The following TBCK variants were observed in gnomAD, a reference collection of about 807,000 sequenced individuals.
TBCK encodes TBC domain-containing protein kinase-like protein.
TBCK carries 99 observed loss-of-function variants against 113.4 expected under a neutral mutation model. The observed-to-expected ratio is 0.87, with a 90% CI of 0.74 to 1.03. TBCK has a LOEUF of 1.03. Ranked by LOEUF, TBCK falls within the 50% of genes least tolerant of loss-of-function variation. The probability of loss-of-function intolerance (pLI) is 0.00; values close to 1 mark genes in which losing one functional copy is unlikely to be tolerated. For missense variants in TBCK, 1,045 were observed against 1,061.3 expected (o/e 0.98, Z 0.21); for synonymous variants, 369 against 370.8 (o/e 1.00, Z 0.05).
Position 106,138,364 on chromosome 4 carries a change from C to T in TBCK, c.2236-21986G>A, listed in dbSNP as rs990579631. Among the ~76,000 whole-genome samples, 14 of 140,926 alleles carry T rather than the reference C, an allele frequency of 9.9e-5. 2 individuals carry two copies. The highest frequency in any genetic ancestry group is 3.5e-4 in the African/African-American group (14 of 39,944). 92.5% of individuals were successfully genotyped at this position (140,926 alleles called of 152,430 possible). The stretch of plus-strand genomic sequence containing the variant: ...ATTCAACTGGCAAAAGGTCCCAAAA[C>T]TCTTGCTTACTTTCTGAGACAAAAG... On this transcript the variant is annotated intron_variant, in intron 23 of 25. Coordinates refer to ENST00000394708, the MANE Select transcript of TBCK (RefSeq NM_001163435.3).
chr4:106,123,627 A>G (rs1332830993), intron 23 of TBCK, among the ~76,000 whole-genome samples: 4 of 152,188 alleles, frequency 2.6e-5, no homozygotes, highest in South Asian at 2.1e-4. Flanking sequence ...AAACTATACT[A>G]CAAGGCTACA....
intron 3 of TBCK, among the ~76,000 whole-genome samples, chr4:106,267,380 T>C (rs538598920): frequency 7.9e-5 from 12 of 152,072 alleles, no homozygotes; most frequent in African/African-American, 2.6e-4. Flanking sequence ...TGTTTGTTAC[T>C]GAATTTTTGG....
At chr4:106,056,579 ATTC>A (rs1185973177) in intron 25 of TBCK, among the ~76,000 whole-genome samples, 1 of 138,366 alleles carries the variant, frequency 7.2e-6, no homozygotes, top group Non-Finnish European at 1.6e-5. Flanking sequence ...TTTTTTTTTC[ATTC>A]TTCTTCTACT....
chr4:106,304,085 T>C (rs1767243983), intron 2 of TBCK, among the ~76,000 whole-genome samples: 1 of 152,210 alleles, frequency 6.6e-6, no homozygotes. Context: ...CTCTGCTCAG[T>C]ATAAATTTCT....
rs1738937018 is a variant in TBCK, at chr4:106,082,087, C to T, written c.2571+13395G>A. Among the ~76,000 whole-genome samples, 5 of 152,176 alleles carry T rather than the reference C, an allele frequency of 3.3e-5. No individual in the cohort carries two copies. The South Asian group carries it at 1.0e-3, about 32-fold the overall frequency. On this transcript the variant is annotated intron_variant, in intron 25 of 25. Coordinates refer to ENST00000394708, the MANE Select transcript of TBCK (RefSeq NM_001163435.3). ...TAAAACTACCATTTGACCTAGCAAT[C>T]CTACTATATGATATATACCCAAAGG...
chr4:106,242,152 T>G (rs1226226939), intron 12 of TBCK, among the ~76,000 whole-genome samples: 2 of 152,038 alleles, frequency 1.3e-5, no homozygotes, highest in Non-Finnish European at 2.9e-5. Flanking sequence ...AAAATTAGTA[T>G]TACAGCAAAA....
chr4:106,110,754 G>A (rs950648729), intron 24 of TBCK, among the ~76,000 whole-genome samples: 3 of 152,104 alleles, frequency 2.0e-5, no homozygotes, highest in African/African-American at 7.2e-5. Flanking sequence ...GCCTAAAAAG[G>A]GAAGGGAGGA....
rs186754096 is a variant in TBCK, at chr4:106,157,843, C to T, written c.2235+13252G>A. ...TTGGTGTCTGTGCAGAAGACATGCT[C>T]GGTGAAGACTTCAATTTGGCCATCT... On this transcript the variant is annotated intron_variant, in intron 23 of 25. Coordinates refer to ENST00000394708, the MANE Select transcript of TBCK (RefSeq NM_001163435.3). 9.7e-4 allele frequency among the ~76,000 whole-genome samples: 147 copies of T among 152,162 alleles called. 1 individual carries two copies. Among genetic ancestry groups the T allele is most frequent in the African/African-American group, 3.5e-3 (144 of 41,520 alleles).
chr4:106,279,136 T>C (rs1420650460), intron 3 of TBCK, among the ~76,000 whole-genome samples: 5 of 152,138 alleles, frequency 3.3e-5, no homozygotes. Flanking sequence ...AAATTCAAAA[T>C]GTTCCTTTGA....
chr4:106,116,111 A>G, intron 24 of TBCK, 92 bp downstream of exon 24: 2 of 1,246,290 alleles, frequency 1.6e-6, no homozygotes, highest in East Asian at 4.7e-5. Flanking sequence ...AGAATCCCAG[A>G]ATTTTTTTTT....
intron 25 of TBCK, among the ~76,000 whole-genome samples, chr4:106,074,593 G>C (rs1259868329): frequency 6.6e-6 from 1 of 152,100 alleles, no homozygotes; most frequent in Admixed American, 6.5e-5. Flanking sequence ...AACCAATGTA[G>C]GTTGACTAAA....
intron 20 of TBCK, among the ~76,000 whole-genome samples, chr4:106,210,536 A>T (rs1290412975): frequency 6.6e-6 from 1 of 152,188 alleles, no homozygotes; most frequent in Non-Finnish European, 1.5e-5. Context: ...TAATGTCTAA[A>T]TAAAATGAGC....
chr4:106,117,906 G>A (rs1743738791), intron 23 of TBCK, among the ~76,000 whole-genome samples: 1 of 151,948 alleles, frequency 6.6e-6, no homozygotes, highest in Non-Finnish European at 1.5e-5. Context: ...CTACTTGGGA[G>A]GCTGAGACAG....
At chr4:106,092,064 A>ATG (rs1740324054) in intron 25 of TBCK, among the ~76,000 whole-genome samples, 1 of 150,980 alleles carries the variant, frequency 6.6e-6, no homozygotes, top group African/African-American at 2.4e-5. Flanking sequence ...TGACTGGTGC[A>ATG]TTTACAAACC....
At chr4:106,300,679 A>C (rs1211362895) in intron 2 of TBCK, among the ~76,000 whole-genome samples, 1 of 152,232 alleles carries the variant, frequency 6.6e-6, no homozygotes, top group Non-Finnish European at 1.5e-5. Context: ...CATTCAATCA[A>C]ATACTAATCT....
At chr4:106,314,440 A>T (rs111995890) in intron 1 of TBCK, among the ~76,000 whole-genome samples, 3 of 152,244 alleles carry the variant, frequency 2.0e-5, no homozygotes, top group African/African-American at 7.2e-5. Flanking sequence ...TAGCAGTTCA[A>T]CTTAGGGCTA....
At chr4:106,237,431 T>A (rs1759596445) in intron 12 of TBCK, 1 of 450,810 alleles carries the variant, frequency 2.2e-6, no homozygotes, top group South Asian at 1.6e-5. Context: ...AGGAAGGCAG[T>A]AGTAAAGTAA....
At chr4:106,160,078 A>T (rs74584954) in intron 23 of TBCK, among the ~76,000 whole-genome samples, 265 of 152,140 alleles carry the variant, frequency 1.7e-3, no homozygotes, top group Middle Eastern at 0.017. Context: ...TCTCCATGCA[A>T]AAGAATGAAG....
At chr4:106,089,396 GA>G (rs942548393) in intron 25 of TBCK, among the ~76,000 whole-genome samples, 2 of 152,134 alleles carry the variant, frequency 1.3e-5, no homozygotes, top group African/African-American at 4.8e-5. Context: ...TATCTCATTT[GA>G]AATGAGATTT....
Sources: gnomAD v4.1 joint callset for allele counts (sites outside exome capture counted in the v4.1 genomes callset) on GRCh38, gnomAD v4.1.1 for gene constraint, MANE v1.5 for transcripts, NCBI Gene and HGNC (gene_info 2026-07-23, HGNC 2026-07-21) for gene names.